Variants in CDKAL1 observed in about 807,000 individuals in gnomAD.
The protein encoded by CDKAL1 is CDKAL1 threonylcarbamoyladenosine tRNA methylthiotransferase.
A neutral mutation model predicts 68.2 loss-of-function variants in CDKAL1; 32 were observed. The observed-to-expected ratio is 0.47, with a 90% CI of 0.35 to 0.63. CDKAL1 has a LOEUF of 0.63. Among genes scored for constraint, CDKAL1 ranks in the 30% least tolerant of loss-of-function variants. CDKAL1 has a pLI of 0.00. For missense variants in CDKAL1, 606 were observed against 696.7 expected (o/e 0.87, Z 1.47); for synonymous variants, 234 against 244.3 (o/e 0.96, Z 0.39).
intron 9 of CDKAL1, among the ~76,000 whole-genome samples, chr6:20,907,890 C>T (rs1332392980): frequency 6.6e-6 from 1 of 152,100 alleles, no homozygotes; most frequent in Non-Finnish European, 1.5e-5. Flanking sequence ...CACTGTTGGT[C>T]AATAGGGTCC....
In CDKAL1 at chr6:20,741,120, G is replaced by A. The variant is rs189236354; in HGVS notation, c.468+1505G>A. ...AATGCCATTGTGTGCCGGGAAAAGC[G>A]TATGTTAGGATGTACAGGAGATTCT... On this transcript the variant is annotated intron_variant, in intron 6 of 15. Coordinates refer to ENST00000274695, the MANE Select transcript of CDKAL1 (RefSeq NM_017774.3). 2.4e-3 allele frequency among the ~76,000 whole-genome samples: 358 copies of A among 152,176 alleles called. 1 individual carries two copies. The highest frequency in any genetic ancestry group is 3.4e-3 in the Non-Finnish European group (229 of 67,982).
intron 5 of CDKAL1, among the ~76,000 whole-genome samples, chr6:20,660,254 A>G (rs1379654215): frequency 1.3e-5 from 2 of 152,128 alleles, no homozygotes; most frequent in Non-Finnish European, 2.9e-5. Context: ...GCTTGCTACT[A>G]GATTGTGAGT....
At chr6:20,742,511 T>C (rs1312740596) in intron 6 of CDKAL1, among the ~76,000 whole-genome samples, 1 of 152,132 alleles carries the variant, frequency 6.6e-6, no homozygotes, top group Non-Finnish European at 1.5e-5. Context: ...ACCTATTTTG[T>C]ATTCTTATTT....
Position 21,230,918 on chromosome 6 carries a change from C to T in CDKAL1, c.1619C>T (p.Ser540Leu). Residue 540 changes from serine (S) to leucine (L), a missense_variant, in exon 16 of 16, where the codon TCA (serine) becomes TTA (leucine). Transcript: ENST00000274695. ...ACCTCTGCTGCATCTCAGTGTGACT[C>T]AGCGAGTTCCAGAATGGTGCTGCCC... is the stretch of plus-strand genomic sequence containing the variant. ...SHTSAASQCD[S>L]ASSRMVLPMP... 1 of 1,614,124 alleles carries T rather than the reference C, an allele frequency of 6.2e-7. No homozygotes were observed. Among genetic ancestry groups the T allele is most frequent in the Non-Finnish European group, 8.5e-7 (1 of 1,179,972 alleles).
At chr6:21,074,060 A>G (rs559581360) in intron 12 of CDKAL1, among the ~76,000 whole-genome samples, 1 of 152,304 alleles carries the variant, frequency 6.6e-6, no homozygotes, top group South Asian at 2.1e-4. Context: ...ACCTCTTTGT[A>G]TTAATGTCCC....
At chr6:20,910,487 G>C (rs937913663) in intron 9 of CDKAL1, among the ~76,000 whole-genome samples, 1 of 152,156 alleles carries the variant, frequency 6.6e-6, no homozygotes, top group East Asian at 1.9e-4. Flanking sequence ...AAATAGATTC[G>C]TGGTGCAGAA....
chr6:21,183,644 G>A (rs1582374575), intron 13 of CDKAL1, among the ~76,000 whole-genome samples: 2 of 152,166 alleles, frequency 1.3e-5, no homozygotes, highest in East Asian at 3.9e-4. Flanking sequence ...ATAAATGGAA[G>A]ATGTGTGTGA....
chr6:20,788,098 A>G (rs1371679929), intron 8 of CDKAL1, among the ~76,000 whole-genome samples: 1 of 152,228 alleles, frequency 6.6e-6, no homozygotes, highest in Admixed American at 6.5e-5. Context: ...ACTTTCAAAA[A>G]TGGAAACTTA....
chr6:20,942,953 CAA>C (rs70990084), intron 9 of CDKAL1, among the ~76,000 whole-genome samples: 6 of 113,296 alleles, frequency 5.3e-5, no homozygotes, highest in Admixed American at 1.9e-4. Context: ...GATTCTGTCT[CAA>C]AAAAAAAAAA....
chr6:20,626,317 A>G (rs1767431316), intron 4 of CDKAL1, among the ~76,000 whole-genome samples: 1 of 152,184 alleles, frequency 6.6e-6, no homozygotes, highest in Non-Finnish European at 1.5e-5. Flanking sequence ...AGATGGAAGC[A>G]GAGACCTTCA....
intron 4 of CDKAL1, among the ~76,000 whole-genome samples, chr6:20,609,370 TCTC>T (rs201008614): frequency 3.5e-5 from 4 of 114,214 alleles, no homozygotes; most frequent in African/African-American, 1.1e-4. Context: ...TTCTTCTCCT[TCTC>T]CTTCTTCTTC....
intron 11 of CDKAL1, among the ~76,000 whole-genome samples, chr6:21,019,904 C>CT (rs5874800): frequency 0.35 from 51,658 of 149,018 alleles, 9,274 homozygotes; most frequent in Middle Eastern, 0.45. Flanking sequence ...TAATTTTTAC[C>CT]TTTTTTTTTT....
At chr6:20,538,934 A>C (rs1321474691) in intron 2 of CDKAL1, among the ~76,000 whole-genome samples, 1 of 152,238 alleles carries the variant, frequency 6.6e-6, no homozygotes, top group African/African-American at 2.4e-5. Flanking sequence ...ACTGAAAAAG[A>C]GATGATGCCT....
At chr6:20,991,706 CAAAAAA>C (rs35504365) in intron 10 of CDKAL1, among the ~76,000 whole-genome samples, 4 of 59,620 alleles carry the variant, frequency 6.7e-5, no homozygotes, top group East Asian at 6.3e-4. Context: ...TATTCCCTCT[CAAAAAA>C]AAAAAAAAAA....
chr6:21,098,792 G>A (rs2150980648), intron 12 of CDKAL1, among the ~76,000 whole-genome samples: 1 of 152,232 alleles, frequency 6.6e-6, no homozygotes, highest in Middle Eastern at 3.4e-3. Context: ...CATGGAGATG[G>A]TGGCGGAGGC....
chr6:20,630,351 T>C (rs1767621351), intron 4 of CDKAL1, among the ~76,000 whole-genome samples: 1 of 152,126 alleles, frequency 6.6e-6, no homozygotes, highest in African/African-American at 2.4e-5. Flanking sequence ...TTCCTAAGGC[T>C]GCTCTCTGCC....
intron 9 of CDKAL1, among the ~76,000 whole-genome samples, chr6:20,938,258 G>C (rs1001518197): frequency 6.6e-6 from 1 of 151,734 alleles, no homozygotes; most frequent in Non-Finnish European, 1.5e-5. Flanking sequence ...ATTTTTTTTA[G>C]TACTTTCTTA....
Position 20,758,814 on chromosome 6 carries a change from G to A in CDKAL1, c.517+171G>A, listed in dbSNP as rs73732763. Among the ~76,000 whole-genome samples, 1,293 of 152,278 alleles carry A rather than the reference G, an allele frequency of 8.5e-3. 15 individuals are homozygous for A. The highest frequency in any genetic ancestry group is 0.029 in the African/African-American group (1,187 of 41,558). On this transcript the variant is annotated intron_variant, in intron 7 of 15. Coordinates refer to ENST00000274695, the MANE Select transcript of CDKAL1 (RefSeq NM_017774.3). ...ATTTGCCAGTCTAATATTGGAGGCA[G>A]GCACTCGCTGTATATTTGTTTGGCT...
chr6:20,856,976 TCTC>T (rs1759368115), intron 9 of CDKAL1, among the ~76,000 whole-genome samples: 1 of 152,140 alleles, frequency 6.6e-6, no homozygotes, highest in Non-Finnish European at 1.5e-5. Context: ...TTAAATTTCT[TCTC>T]CTGCTTGTGT....
Sources: allele counts gnomAD v4.1 joint callset (sites outside exome capture counted in the v4.1 genomes callset), GRCh38; gene constraint gnomAD v4.1.1; transcripts MANE v1.5; gene names NCBI Gene and HGNC (gene_info 2026-07-23, HGNC 2026-07-21).